Variants in C8B observed in about 807,000 individuals in gnomAD.
The protein encoded by C8B is complement C8 beta chain, also known as complement component C8 beta chain.
C8B carries 67 observed loss-of-function variants against 64.6 expected under a neutral mutation model. That is an observed-to-expected ratio of 1.04 (90% CI 0.85 to 1.27). The LOEUF is 1.27. Ranked by LOEUF, C8B falls within the 50% of genes most tolerant of loss-of-function variation. C8B has a pLI of 0.00. For missense variants in C8B, 790 were observed against 725.2 expected (o/e 1.09, Z -1.03); for synonymous variants, 284 against 257.7 (o/e 1.10, Z -0.98).
intron 5 of C8B, 122 bp downstream of exon 5, chr1:56,951,926 C>T: frequency 1.2e-6 from 1 of 838,796 alleles, no homozygotes; most frequent in South Asian, 1.7e-5. Context: ...TGCCCATTTT[C>T]ACATATGAAG....
intron 2 of C8B, chr1:56,959,481 T>C: frequency 8.7e-7 from 1 of 1,150,602 alleles, no homozygotes; most frequent in Non-Finnish European, 1.3e-6. Flanking sequence ...GAGTTTCAAA[T>C]TGTGAGTAGG....
In C8B at chr1:56,940,913, G is replaced by A. The variant is rs138837336; in HGVS notation, c.1334C>T (p.Thr445Met). 2.7e-5 allele frequency: 43 copies of A among 1,613,910 alleles called. No homozygotes were observed. Among genetic ancestry groups the A allele is most frequent in the South Asian group, 1.2e-4 (11 of 91,070 alleles). ...TCCCCACTCCTGCATCAGGTCCGCC[G>A]TCGGCAGCTCCTGGTATGCCAGGGT... The part of the protein sequence containing the change: ...ITTLAYQELP[T>M]ADLMQEWGDA... Residue 445 changes from threonine to methionine, a missense_variant, in exon 9 of 12, where the codon ACG (threonine) becomes ATG (methionine). Coordinates refer to ENST00000371237, the MANE Select transcript of C8B (RefSeq NM_000066.4).
At position 56,931,604 on chromosome 1, in the gene C8B, T is replaced by C. The variant is rs1644701855; in HGVS notation, c.1621+206A>G. 7.4e-6 allele frequency: 4 copies of C among 538,782 alleles called. No individual in the cohort carries two copies. The South Asian group carries it at 7.5e-5, about 10-fold the overall frequency. The allele number at this position is 538,782 out of a possible 1,614,324, so 33.4% of individuals were successfully genotyped here. A position where few individuals can be genotyped will look rare whatever the true frequency, so the allele number is the denominator to read the frequency against. The stretch of plus-strand genomic sequence containing the variant: ...TTGATATTTCTCTAACATGAAGCAC[T>C]CTGTGTTGTAAAAATAATGAAATGC... On this transcript the variant is annotated intron_variant, in intron 11 of 11. Transcript: ENST00000371237.
intron 5 of C8B, among the ~76,000 whole-genome samples, chr1:56,950,266 G>A (rs1645001514): frequency 6.6e-6 from 1 of 152,154 alleles, no homozygotes; most frequent in Non-Finnish European, 1.5e-5. Context: ...GGGACAACCT[G>A]GTGGTTGGAT....
At chr1:56,964,593 C>T (rs1230287285) in intron 1 of C8B, among the ~76,000 whole-genome samples, 1 of 152,238 alleles carries the variant, frequency 6.6e-6, no homozygotes, top group Non-Finnish European at 1.5e-5. Flanking sequence ...AGCCCTCACA[C>T]TCTCTGTTCT....
In C8B at chr1:56,933,211, G is replaced by A. The variant is rs1644727402; in HGVS notation, c.1552+124C>T. 7.2e-6 allele frequency: 6 copies of A among 836,676 alleles called. No homozygotes were observed. The East Asian group carries it at 9.8e-5, about 14-fold the overall frequency. 51.8% of individuals were successfully genotyped at this position (836,676 alleles called of 1,614,324 possible). A position where few individuals can be genotyped will look rare whatever the true frequency, so the allele number is the denominator to read the frequency against. ...TAGAACCCAGGTATACTGACAGCCA[G>A]AGTAGTATCTCCCAGTGGACTAAAT... On this transcript the variant is annotated intron_variant, in intron 10 of 11. Coordinates refer to ENST00000371237, the MANE Select transcript of C8B (RefSeq NM_000066.4).
chr1:56,951,415 T>G (rs901545080), intron 5 of C8B, among the ~76,000 whole-genome samples: 4 of 152,156 alleles, frequency 2.6e-5, no homozygotes, highest in Non-Finnish European at 5.9e-5. Context: ...TCCCATCGGA[T>G]CTCAAGTGTG....
chr1:56,954,825 T>C lies in C8B; in HGVS notation c.394A>G (p.Arg132Gly). 1.2e-6 allele frequency: 2 copies of C among 1,614,136 alleles called. No homozygotes were observed. Among genetic ancestry groups the C allele is most frequent in the Non-Finnish European group, 1.7e-6 (2 of 1,179,990 alleles). ...CEGFVCAQTGRCVNRRLLCNG... is the reference protein window; with the variant it reads ...CEGFVCAQTGGCVNRRLLCNG... ...CAAAGAAGTCTGCGGTTTACACACC[T>C]TCCTAGAATGGAGAAAGAGTATTAC... is the stretch of plus-strand genomic sequence containing the variant. Residue 132 changes from arginine to glycine, a missense_variant and splice_region_variant, in exon 4 of 12, where the codon AGG (arginine) becomes GGG (glycine). Coordinates refer to ENST00000371237, the MANE Select transcript of C8B (RefSeq NM_000066.4).
Position 56,943,682 on chromosome 1 carries a change from C to T in C8B, c.1234+14G>A. On this transcript the variant is annotated intron_variant, in intron 8 of 11. Transcript: ENST00000371237. ...ACATTATAAGTGTGGAAGTCACAAG[C>T]CCCTGTCACTCACCTTTTATTTCAT... The T allele has an allele frequency of 6.2e-7, 1 of 1,613,884 alleles. No homozygotes were observed. The highest frequency in any genetic ancestry group is 8.5e-7 in the Non-Finnish European group (1 of 1,179,818).
intron 9 of C8B, among the ~76,000 whole-genome samples, chr1:56,939,050 A>G (rs887678980): frequency 1.3e-5 from 2 of 152,224 alleles, no homozygotes; most frequent in Non-Finnish European, 2.9e-5. Flanking sequence ...CCCACATCAC[A>G]TCACATGCTT....
At chr1:56,952,018 TC>T (rs1645027133) in intron 5 of C8B, 29 bp downstream of exon 5, 1 of 1,612,810 alleles carries the variant, frequency 6.2e-7, no homozygotes, top group African/African-American at 1.3e-5. Flanking sequence ...CAGCTGGGGC[TC>T]CCTCCACTGC....
At chr1:56,962,066 T>C (rs889396542) in intron 1 of C8B, among the ~76,000 whole-genome samples, 6 of 152,202 alleles carry the variant, frequency 3.9e-5, no homozygotes, top group Non-Finnish European at 7.3e-5. Context: ...CATTATGTTT[T>C]TAGCAACCAA....
chr1:56,945,500 G>T (rs1386325161), intron 7 of C8B, among the ~76,000 whole-genome samples: 1 of 152,146 alleles, frequency 6.6e-6, no homozygotes, highest in African/African-American at 2.4e-5. Context: ...AGACATCAAA[G>T]AAACATTTCA....
At chr1:56,952,686 C>T (rs1320088481) in intron 4 of C8B, among the ~76,000 whole-genome samples, 2 of 152,198 alleles carry the variant, frequency 1.3e-5, no homozygotes, top group Admixed American at 6.5e-5. Flanking sequence ...TGGAGCCAGA[C>T]GTCTGAGATC....
chr1:56,931,917 G>A, intron 10 of C8B, 39 bp from the exon 11 acceptor site: 4 of 1,468,544 alleles, frequency 2.7e-6, no homozygotes, highest in Admixed American at 1.7e-5. Flanking sequence ...ATCATGCCAG[G>A]TGGAGCAAAG....
In C8B at chr1:56,944,055, G is replaced by A. The variant is rs547965550; in HGVS notation, c.1106-231C>T. Among the ~76,000 whole-genome samples the A allele has an allele frequency of 5.8e-4, 88 of 152,156 alleles. 1 individual carries two copies. The highest frequency in any genetic ancestry group is 2.0e-3 in the African/African-American group (85 of 41,516). On this transcript the variant is annotated intron_variant, in intron 7 of 11. Transcript: ENST00000371237. ...TCAGCCTCCCCGCAACGCTCTCTGAGGATTCTTGCTGACTTTGAAAGAGGG... is the reference window on the plus strand; with the variant it reads ...TCAGCCTCCCCGCAACGCTCTCTGAAGATTCTTGCTGACTTTGAAAGAGGG...
intron 6 of C8B, among the ~76,000 whole-genome samples, chr1:56,949,267 G>T (rs1023864773): frequency 4.6e-5 from 7 of 152,144 alleles, no homozygotes; most frequent in African/African-American, 1.7e-4. Flanking sequence ...TCAGGAGAGG[G>T]TTAGTTATCG....
intron 9 of C8B, 114 bp downstream of exon 9, chr1:56,940,735 C>T: frequency 8.3e-7 from 1 of 1,211,640 alleles, no homozygotes; most frequent in South Asian, 1.2e-5. Context: ...ATATGTGTCC[C>T]AAAATTAGGG....
chr1:56,931,584 A>G, intron 11 of C8B: 1 of 483,524 alleles, frequency 2.1e-6, no homozygotes, highest in Non-Finnish European at 3.9e-6. Context: ...ACGCATTGAT[A>G]TTTCTCTAAC....
Sources: allele counts gnomAD v4.1 joint callset (sites outside exome capture counted in the v4.1 genomes callset), GRCh38; gene constraint gnomAD v4.1.1; transcripts MANE v1.5; gene names NCBI Gene and HGNC (gene_info 2026-07-23, HGNC 2026-07-21).